Variants in CCDC73 observed in about 807,000 individuals in gnomAD.
CCDC73 encodes coiled-coil domain-containing protein 73.
CCDC73 carries 95 observed loss-of-function variants against 116.5 expected under a neutral mutation model. The observed-to-expected ratio is 0.82, with a 90% CI of 0.69 to 0.97. The LOEUF (loss-of-function observed/expected upper bound fraction) is 0.97. Ranked by LOEUF, CCDC73 falls within the 50% of genes least tolerant of loss-of-function variation. CCDC73 has a pLI of 0.00. For synonymous variants in CCDC73, 398 were observed against 401.3 expected, an observed-to-expected ratio of 0.99 and a Z score of 0.10; for missense variants, 1,066 against 1,206.8, an observed-to-expected ratio of 0.88 and a Z score of 1.73.
chr11:32,702,275 T>G (rs1849820493), intron 4 of CCDC73, among the ~76,000 whole-genome samples: 1 of 152,250 alleles, frequency 6.6e-6, no homozygotes, highest in Admixed American at 6.5e-5. Context: ...TGTTATAATA[T>G]TCTCTTGGTA....
chr11:32,714,420 C>T (rs2133328578), intron 3 of CCDC73, among the ~76,000 whole-genome samples: 1 of 152,230 alleles, frequency 6.6e-6, no homozygotes, highest in Middle Eastern at 3.4e-3. Flanking sequence ...GTTTCAGAGT[C>T]TTATCACAAA....
chr11:32,661,904 A>ACTC (rs1688979287), intron 9 of CCDC73, among the ~76,000 whole-genome samples: 1 of 151,358 alleles, frequency 6.6e-6, no homozygotes, highest in East Asian at 2.0e-4. Context: ...CTCATTGTTC[A>ACTC]ATTCCCACCT....
chr11:32,740,127 C>A (rs1000753704), intron 2 of CCDC73, among the ~76,000 whole-genome samples: 2 of 144,976 alleles, frequency 1.4e-5, no homozygotes, highest in African/African-American at 5.1e-5. Flanking sequence ...GAGATATTAG[C>A]CTGTAGTTTT....
intron 2 of CCDC73, among the ~76,000 whole-genome samples, chr11:32,753,316 G>C (rs1199073739): frequency 1.8e-5 from 2 of 108,266 alleles, no homozygotes; most frequent in Non-Finnish European, 3.8e-5. Context: ...TTTTCTTTTT[G>C]AGACAAGCTC....
chr11:32,610,152 A>G (rs1238540731), intron 17 of CCDC73, among the ~76,000 whole-genome samples: 1 of 152,028 alleles, frequency 6.6e-6, no homozygotes, highest in Non-Finnish European at 1.5e-5. Flanking sequence ...GGAAACTCCC[A>G]TTTTTAAAAC....
chr11:32,604,308 A>G (rs11031895), intron 17 of CCDC73: 24,114 of 152,030 alleles, frequency 0.16, 2,034 homozygotes, highest in South Asian at 0.27. Flanking sequence ...ATTTTTTGCC[A>G]TGTTGCCCAG....
intron 9 of CCDC73, among the ~76,000 whole-genome samples, chr11:32,666,409 T>C (rs150235200): frequency 7.9e-4 from 120 of 152,332 alleles, no homozygotes; most frequent in African/African-American, 2.7e-3. Flanking sequence ...TTTATTCATT[T>C]GATCTTCAAT....
intron 1 of CCDC73, among the ~76,000 whole-genome samples, chr11:32,791,155 G>A (rs1290600597): frequency 6.6e-6 from 1 of 152,102 alleles, no homozygotes; most frequent in Admixed American, 6.5e-5. Flanking sequence ...GGGTCATCAG[G>A]AAATTAAGAA....
At chr11:32,715,568 T>A (rs2133329932) in intron 3 of CCDC73, among the ~76,000 whole-genome samples, 1 of 152,090 alleles carries the variant, frequency 6.6e-6, no homozygotes, top group East Asian at 1.9e-4. Flanking sequence ...TCAAGCAGCA[T>A]AAATCTTGAT....
At chr11:32,759,370 A>C (rs1850371192) in intron 2 of CCDC73, among the ~76,000 whole-genome samples, 1 of 134,864 alleles carries the variant, frequency 7.4e-6, no homozygotes, top group African/African-American at 2.9e-5. Flanking sequence ...TTGCTCCGTC[A>C]CCCAGGCTGT....
intron 3 of CCDC73, among the ~76,000 whole-genome samples, chr11:32,712,875 G>A (rs981469249): frequency 1.3e-5 from 2 of 152,054 alleles, no homozygotes; most frequent in South Asian, 2.1e-4. Flanking sequence ...TACTAATGTA[G>A]TAAAGAGATG....
At chr11:32,739,879 GT>G (rs1247534602) in intron 2 of CCDC73, among the ~76,000 whole-genome samples, 2 of 151,122 alleles carry the variant, frequency 1.3e-5, no homozygotes, top group African/African-American at 4.9e-5. Context: ...GTTTTTGAGG[GT>G]TTTTAATTAT....
chr11:32,633,394 T>C (rs1275050824), intron 14 of CCDC73, among the ~76,000 whole-genome samples: 5 of 152,108 alleles, frequency 3.3e-5, no homozygotes, highest in African/African-American at 1.2e-4. Flanking sequence ...TTTGACAACT[T>C]ATGAAAAGGA....
intron 13 of CCDC73, among the ~76,000 whole-genome samples, chr11:32,637,941 T>G (rs895267973): frequency 3.3e-5 from 5 of 152,214 alleles, no homozygotes; most frequent in Non-Finnish European, 1.5e-5. Context: ...AATTCTACAG[T>G]TCTCAAATTA....
At chr11:32,719,618 GA>G (rs1425316983) in intron 2 of CCDC73, among the ~76,000 whole-genome samples, 12 of 152,214 alleles carry the variant, frequency 7.9e-5, no homozygotes, top group African/African-American at 1.7e-4. Context: ...TTATATGGGG[GA>G]AAAAAATTAA....
intron 15 of CCDC73, among the ~76,000 whole-genome samples, chr11:32,615,508 A>AT (rs1169384202): frequency 2.6e-5 from 4 of 152,148 alleles, no homozygotes; most frequent in African/African-American, 9.7e-5. Context: ...TTATTCATCT[A>AT]TATTCTAACA....
intron 11 of CCDC73, 132 bp downstream of exon 11, chr11:32,653,846 A>G (rs1377017024): frequency 1.0e-6 from 1 of 1,000,758 alleles, no homozygotes; most frequent in Non-Finnish European, 1.3e-6. Flanking sequence ...GATTTTAAAA[A>G]GTATACACAT....
the CCDC73 span, among the ~76,000 whole-genome samples, chr11:32,815,506 T>G: frequency 6.6e-6 from 1 of 152,158 alleles, no homozygotes; most frequent in Non-Finnish European, 1.5e-5. Context: ...CAGCCTATTT[T>G]GCTTTTCTAA....
In CCDC73 at chr11:32,755,545, A is replaced by ATATATATATATATATATATG. The variant is rs1346838149; in HGVS notation, c.135+4563_135+4564insCATATATATATATATATATA. Among the ~76,000 whole-genome samples the ATATATATATATATATATATG allele has an allele frequency of 2.2e-5, 3 of 133,392 alleles. 1 individual carries two copies. In the East Asian group the frequency reaches 8.3e-4, roughly 37 times the overall value. 87.5% of individuals were successfully genotyped at this position (133,392 alleles called of 152,430 possible). On this transcript the variant is annotated intron_variant, in intron 2 of 17. Coordinates refer to ENST00000335185, the MANE Select transcript of CCDC73 (RefSeq NM_001008391.4). ...CAAGACTCCATCTCAAAATATATAT[A>ATATATATATATATATATATG]TATATATATATATATATGTACATAT...
Sources: allele counts gnomAD v4.1 joint callset (sites outside exome capture counted in the v4.1 genomes callset), GRCh38; gene constraint gnomAD v4.1.1; transcripts MANE v1.5; gene names NCBI Gene and HGNC (gene_info 2026-07-23, HGNC 2026-07-21).